The following NDC80 variants were observed in gnomAD, a reference collection of about 807,000 sequenced individuals.
The protein encoded by NDC80 is NDC80 kinetochore complex component.
Under a neutral mutation model 89.3 loss-of-function variants are expected in NDC80, and 69 were observed. The ratio of observed to expected loss-of-function variants is 0.77; its 90% CI spans 0.64 to 0.94. The LOEUF is 0.94. Among genes scored for constraint, NDC80 ranks in the 40% least tolerant of loss-of-function variants. NDC80 has a pLI of 0.00. For missense variants in NDC80, 593 were observed against 739.6 expected, an observed-to-expected ratio of 0.80 and a Z score of 2.30; for synonymous variants, 243 against 255.6, an observed-to-expected ratio of 0.95 and a Z score of 0.47.
intron 13 of NDC80, among the ~76,000 whole-genome samples, chr18:2,604,253 G>C (rs1232511108): frequency 6.6e-6 from 1 of 152,176 alleles, no homozygotes; most frequent in African/African-American, 2.4e-5. Context: ...TTAAGTACAG[G>C]CTCCTTCTGA....
At chr18:2,581,098 G>C (rs1330006172) in intron 6 of NDC80, among the ~76,000 whole-genome samples, 4 of 151,982 alleles carry the variant, frequency 2.6e-5, no homozygotes, top group African/African-American at 7.2e-5. Flanking sequence ...TGCATGATGT[G>C]ATGTATTAAT....
chr18:2,611,304 C>T (rs2072743147), intron 16 of NDC80, among the ~76,000 whole-genome samples: 1 of 152,148 alleles, frequency 6.6e-6, no homozygotes, highest in Non-Finnish European at 1.5e-5. Flanking sequence ...CTGCCTCGGC[C>T]TCCCAAAGTG....
At chr18:2,576,711 G>A (rs986970912) in intron 3 of NDC80, among the ~76,000 whole-genome samples, 1 of 152,084 alleles carries the variant, frequency 6.6e-6, no homozygotes, top group Non-Finnish European at 1.5e-5. Flanking sequence ...ATTTTGATTG[G>A]CATAAGTGAC....
chr18:2,609,955 A>G (rs1230491611), intron 15 of NDC80, among the ~76,000 whole-genome samples: 4 of 152,234 alleles, frequency 2.6e-5, no homozygotes, highest in African/African-American at 9.6e-5. Flanking sequence ...AACAAACACA[A>G]CAGAACTGCC....
chr18:2,592,358 GTT>G (rs568473370), intron 10 of NDC80, among the ~76,000 whole-genome samples: 1 of 140,628 alleles, frequency 7.1e-6, no homozygotes, highest in Admixed American at 7.1e-5. Context: ...GTTTTATTTT[GTT>G]TTTTTTTTTT....
chr18:2,574,937 T>C, intron 2 of NDC80, 52 bp from the exon 3 acceptor site: 1 of 1,168,104 alleles, frequency 8.6e-7, no homozygotes, highest in Non-Finnish European at 1.2e-6. Flanking sequence ...AAAAGTTTCT[T>C]GAGCTAATTT....
Position 2,599,087 on chromosome 18 carries a change from G to T in NDC80, c.1290G>T (p.Glu430Asp), listed in dbSNP as rs757148024. 1 of 1,613,028 alleles carries T rather than the reference G, an allele frequency of 6.2e-7. No individual in the cohort carries two copies. Among genetic ancestry groups the T allele is most frequent in the Non-Finnish European group, 8.5e-7 (1 of 1,179,480 alleles). ...RKLKLIPKGA[E>D]NSKGYDFEIK... Reference sequence around the variant, plus strand: ...TAAAACTTATTCCTAAAGGTGCTGAGAATTCCAAAGGTTATGACTTTGAAA... The same window carrying T: ...TAAAACTTATTCCTAAAGGTGCTGATAATTCCAAAGGTTATGACTTTGAAA... The change falls in exon 12 of 17, where the codon GAG becomes GAT. Residue 430 changes from glutamate (E) to aspartate (D), a missense_variant. Physicochemically the swap from Glu to Asp is conservative, Grantham distance 45 (BLOSUM62 2). Coordinates refer to ENST00000261597, the MANE Select transcript of NDC80 (RefSeq NM_006101.3).
intron 11 of NDC80, among the ~76,000 whole-genome samples, chr18:2,596,691 A>T (rs1455739710): frequency 6.6e-6 from 1 of 152,070 alleles, no homozygotes; most frequent in African/African-American, 2.4e-5. Context: ...TACCCAAAGG[A>T]TTATAAATCA....
At chr18:2,606,659 G>A (rs556797533) in intron 14 of NDC80, 152 bp downstream of exon 14, 25 of 438,870 alleles carry the variant, frequency 5.7e-5, no homozygotes, top group Admixed American at 3.0e-4. Flanking sequence ...AAAGTTTATC[G>A]TAAGGAGTCA....
intron 10 of NDC80, among the ~76,000 whole-genome samples, chr18:2,590,999 C>T (rs2072624977): frequency 1.3e-5 from 2 of 151,704 alleles, no homozygotes; most frequent in South Asian, 2.1e-4. Flanking sequence ...CAGTCTCCCA[C>T]GTAGCTGGGA....
chr18:2,584,781 G>A (rs919516975), intron 6 of NDC80, among the ~76,000 whole-genome samples: 7 of 152,132 alleles, frequency 4.6e-5, no homozygotes, highest in Non-Finnish European at 8.8e-5. Context: ...ATTAAAATGT[G>A]TATATTTGCA....
At position 2,614,496 on chromosome 18, in the gene NDC80, G is replaced by GAAAGAA. The variant is rs2072764742; in HGVS notation, c.1792-1939_1792-1938insAGAAAA. On this transcript the variant is annotated intron_variant, in intron 16 of 16. Coordinates refer to ENST00000261597, the MANE Select transcript of NDC80 (RefSeq NM_006101.3). The stretch of plus-strand genomic sequence containing the variant: ...GAAAGAAAGAAAGGAAGGAAGGAAG[G>GAAAGAA]AAGGAAGGAAGGAAGGAAGGAAGGA... 4.9e-4 allele frequency: 2 copies of GAAAGAA among 4,110 alleles called. 1 individual carries two copies. The allele number at this position is 4,110 out of a possible 1,614,324, so 0.3% of individuals were successfully genotyped here.
Position 2,608,705 on chromosome 18 carries a change from A to C in NDC80, c.1563A>C (p.Ala521=). The C allele has an allele frequency of 1.9e-6, 3 of 1,611,520 alleles. No homozygotes were observed. The highest frequency in any genetic ancestry group is 1.7e-6 in the Non-Finnish European group (2 of 1,178,002). ...DDLYQQKIKE[A]EEEDEKCASE... Reference sequence around the variant, plus strand: ...CCGTGACTTTATCCTGATAGGAAGCAGAGGAAGAGGATGAAAAATGTGCCA... The same window carrying C: ...CCGTGACTTTATCCTGATAGGAAGCCGAGGAAGAGGATGAAAAATGTGCCA... Residue 521 remains alanine, a synonymous_variant, in exon 15 of 17, where the codon GCA becomes GCC. Coordinates refer to ENST00000261597, the MANE Select transcript of NDC80 (RefSeq NM_006101.3).
intron 6 of NDC80, among the ~76,000 whole-genome samples, chr18:2,583,317 G>C (rs1036722631): frequency 6.6e-6 from 1 of 152,118 alleles, no homozygotes; most frequent in African/African-American, 2.4e-5. Context: ...CCTTGGCAAG[G>C]TGACAGAAGC....
intron 14 of NDC80, among the ~76,000 whole-genome samples, chr18:2,606,720 A>G (rs779508578): frequency 1.6e-4 from 25 of 152,140 alleles, no homozygotes; most frequent in Non-Finnish European, 3.7e-4. Flanking sequence ...CTGTTTTACC[A>G]TAGAAAAGGA....
In NDC80 at chr18:2,595,561, G is replaced by A. The variant is rs1215650453; in HGVS notation, c.1161G>A (p.Leu387=). The change falls in exon 11 of 17, where the codon CTG becomes CTA. Residue 387 remains leucine, a synonymous_variant. Transcript: ENST00000261597. ...CTATTAATAAATTAACCAAGGACCTGGAAGCTGAACAACAGAAGTTGTGGA... is the reference window on the plus strand; with the variant it reads ...CTATTAATAAATTAACCAAGGACCTAGAAGCTGAACAACAGAAGTTGTGGA... ...QQTINKLTKD[L]EAEQQKLWNE... The A allele has an allele frequency of 6.2e-7, 1 of 1,613,660 alleles. No homozygotes were observed. The highest frequency in any genetic ancestry group is 8.5e-7 in the Non-Finnish European group (1 of 1,179,796).
chr18:2,589,203 G>C lies in NDC80; in HGVS notation c.764-1G>C. 1 of 1,604,810 alleles carries C rather than the reference G, an allele frequency of 6.2e-7. No homozygotes were observed. The highest frequency in any genetic ancestry group is 8.5e-7 in the Non-Finnish European group (1 of 1,172,062). Reference sequence around the variant, plus strand: ...AAAAAGCTTTTGGATTTTGTCTCCAGAGGATTTATTTAATGTGGATGCTTT... The same window carrying C: ...AAAAAGCTTTTGGATTTTGTCTCCACAGGATTTATTTAATGTGGATGCTTT... On this transcript the variant is annotated splice_acceptor_variant, in intron 8 of 16. Coordinates refer to ENST00000261597, the MANE Select transcript of NDC80 (RefSeq NM_006101.3). LOFTEE classifies it high-confidence loss of function.
intron 9 of NDC80, 69 bp downstream of exon 9, chr18:2,589,379 T>C: frequency 9.4e-7 from 1 of 1,060,370 alleles, no homozygotes; most frequent in Non-Finnish European, 1.4e-6. Context: ...GGATATTAGC[T>C]GTCTTTATCA....
At chr18:2,593,158 G>A (rs541581293) in intron 10 of NDC80, among the ~76,000 whole-genome samples, 13 of 150,892 alleles carry the variant, frequency 8.6e-5, no homozygotes, top group Middle Eastern at 3.4e-3. Context: ...GGGTTCAAGC[G>A]ATTTTCCTGC....
Sources: gnomAD v4.1 joint callset for allele counts (sites outside exome capture counted in the v4.1 genomes callset) on GRCh38, gnomAD v4.1.1 for gene constraint, MANE v1.5 for transcripts, NCBI Gene and HGNC (gene_info 2026-07-23, HGNC 2026-07-21) for gene names.